The following IL1RAPL2 variants were observed in gnomAD, a reference collection of about 807,000 sequenced individuals.
IL1RAPL2 encodes X-linked interleukin-1 receptor accessory protein-like 2.
Under a neutral mutation model 44.1 loss-of-function variants are expected in IL1RAPL2, and 3 were observed. That is an observed-to-expected ratio of 0.07 (90% confidence interval 0.03 to 0.18). The LOEUF is 0.18. Among genes scored for constraint, IL1RAPL2 ranks in the 10% least tolerant of loss-of-function variants. The pLI, the probability that IL1RAPL2 is intolerant of heterozygous loss-of-function variation, is 1.00. For missense variants in IL1RAPL2, 391 were observed against 496.4 expected (o/e 0.79, Z 2.02); for synonymous variants, 181 against 178.8 (o/e 1.01, Z -0.10).
intron 2 of IL1RAPL2, among the ~76,000 whole-genome samples, chrX:104,909,779 A>G (rs1014213475): frequency 8.9e-6 from 1 of 112,377 alleles, no homozygotes; most frequent in African/African-American, 3.2e-5. Context: ...AAGTCTGCAG[A>G]GGTTACTGCT....
At chrX:105,175,582 A>G (rs1480546031) in intron 2 of IL1RAPL2, among the ~76,000 whole-genome samples, 8 of 111,404 alleles carry the variant, frequency 7.2e-5, no homozygotes. Flanking sequence ...AATAATAATA[A>G]TGATAACGTT....
intron 2 of IL1RAPL2, among the ~76,000 whole-genome samples, chrX:104,878,999 C>A (rs754378669): frequency 9.0e-6 from 1 of 110,601 alleles, no homozygotes; most frequent in African/African-American, 3.3e-5. Context: ...TCCAACCGAG[C>A]CAACCTCAGT....
intron 5 of IL1RAPL2, among the ~76,000 whole-genome samples, chrX:105,272,309 C>G (rs1028730869): frequency 1.8e-5 from 2 of 111,566 alleles, no homozygotes; most frequent in African/African-American, 6.5e-5. Context: ...CAAAGGCAGA[C>G]ATTACTTATA....
intron 5 of IL1RAPL2, among the ~76,000 whole-genome samples, chrX:105,347,592 T>C (rs1345720829): frequency 9.2e-6 from 1 of 108,798 alleles, no homozygotes; most frequent in Non-Finnish European, 1.9e-5. Flanking sequence ...ATCATCATCA[T>C]CATCATCATC....
intron 6 of IL1RAPL2, among the ~76,000 whole-genome samples, chrX:105,666,082 GTT>G (rs11296820): frequency 0.021 from 2,041 of 98,620 alleles, 50 homozygotes; most frequent in African/African-American, 0.071. Context: ...TTAAAAATGG[GTT>G]TTTTTTTTTT....
At chrX:104,709,263 A>T (rs1312544191) in intron 2 of IL1RAPL2, among the ~76,000 whole-genome samples, 1 of 110,078 alleles carries the variant, frequency 9.1e-6, no homozygotes, top group African/African-American at 3.3e-5. Context: ...TTAAGAATAA[A>T]AAGCCTGGAT....
chrX:104,930,013 C>T (rs1223072885), intron 2 of IL1RAPL2, among the ~76,000 whole-genome samples: 1 of 111,629 alleles, frequency 9.0e-6, no homozygotes, highest in Non-Finnish European at 1.9e-5. Context: ...CCCCTGTGTT[C>T]TTTTTCGACA....
At chrX:105,096,048 T>C (rs2032599861) in intron 2 of IL1RAPL2, among the ~76,000 whole-genome samples, 1 of 111,714 alleles carries the variant, frequency 9.0e-6, no homozygotes, top group Non-Finnish European at 1.9e-5. Context: ...TAGCCATTTC[T>C]CCAAAGATCT....
At chrX:104,981,439 C>T (rs1311210539) in intron 2 of IL1RAPL2, among the ~76,000 whole-genome samples, 1 of 110,562 alleles carries the variant, frequency 9.0e-6, no homozygotes, top group Non-Finnish European at 1.9e-5. Context: ...GATTTTGTAT[C>T]CTGAAACTTT....
intron 2 of IL1RAPL2, among the ~76,000 whole-genome samples, chrX:105,125,910 A>C (rs2032970626): frequency 9.0e-6 from 1 of 111,112 alleles, no homozygotes; most frequent in Non-Finnish European, 1.9e-5. Context: ...GCAATAAATA[A>C]ATAAATATGA....
chrX:104,641,883 C>T (rs1442331850), intron 1 of IL1RAPL2, among the ~76,000 whole-genome samples: 1 of 111,665 alleles, frequency 9.0e-6, no homozygotes, highest in Non-Finnish European at 1.9e-5. Context: ...AAAAACTATG[C>T]TTGAAAATGA....
intron 2 of IL1RAPL2, among the ~76,000 whole-genome samples, chrX:104,860,312 C>G (rs1184529590): frequency 9.0e-6 from 1 of 111,488 alleles, no homozygotes. Context: ...GGGAAGAAAC[C>G]CTATCATTGT....
At chrX:105,368,856 G>A (rs140271306) in intron 5 of IL1RAPL2, among the ~76,000 whole-genome samples, 1,622 of 109,686 alleles carry the variant, frequency 0.015, 15 homozygotes, top group Admixed American at 0.041. Context: ...AAATCCCTTG[G>A]GCTGTCTTTA....
Position 105,767,627 on chromosome X carries a change from C to A in IL1RAPL2, c.2027C>A (p.Ser676Tyr). The A allele has an allele frequency of 8.3e-7, 1 of 1,208,641 alleles. No homozygotes were observed. The highest frequency in any genetic ancestry group is 1.1e-6 in the Non-Finnish European group (1 of 892,912). ...AACAGTTCTTTGCTGCCTTTATCCT[C>A]CAAAGAGCTTAGCTTTACCAGTGAT... is the stretch of plus-strand genomic sequence containing the variant. ...HRNSSLLPLS[S>Y]KELSFTSDIW The change falls in exon 11 of 11, where the codon TCC (serine) becomes TAC (tyrosine). Residue 676 changes from serine (S) to tyrosine (Y), a missense_variant. Around this residue, in one of 2 missense-constraint regions of IL1RAPL2, gnomAD observed 232 missense variants for 244.8 expected, o/e 0.95. Transcript: ENST00000372582.
At chrX:105,640,783 GATATAGATATAGAT>G (rs2037563778) in intron 6 of IL1RAPL2, among the ~76,000 whole-genome samples, 1 of 96,689 alleles carries the variant, frequency 1.0e-5, no homozygotes, top group African/African-American at 3.8e-5. Context: ...TATAGATATA[GATATAGATATAGAT>G]AGAGAGAGAG....
intron 6 of IL1RAPL2, among the ~76,000 whole-genome samples, chrX:105,497,444 T>C (rs1048587269): frequency 1.7e-4 from 19 of 111,513 alleles, no homozygotes; most frequent in Middle Eastern, 9.3e-3. Context: ...ACTGGATAAT[T>C]CTACTAAGAA....
intron 2 of IL1RAPL2, among the ~76,000 whole-genome samples, chrX:104,849,686 T>C (rs1488395304): frequency 9.0e-6 from 1 of 110,694 alleles, no homozygotes; most frequent in African/African-American, 3.3e-5. Flanking sequence ...GAGATAAGTA[T>C]AATCTTGTCT....
chrX:105,431,173 A>G (rs766616307), intron 5 of IL1RAPL2, among the ~76,000 whole-genome samples: 1 of 112,446 alleles, frequency 8.9e-6, no homozygotes, highest in South Asian at 3.6e-4. Context: ...GGTGGTAGCA[A>G]GTGTTTTACT....
At chrX:105,682,078 G>GT (rs943622612) in intron 6 of IL1RAPL2, among the ~76,000 whole-genome samples, 2 of 111,720 alleles carry the variant, frequency 1.8e-5, no homozygotes, top group Admixed American at 9.5e-5. Context: ...ATAAAATTTG[G>GT]TTTTTTCTTT....
Sources: allele counts gnomAD v4.1 joint callset (sites outside exome capture counted in the v4.1 genomes callset), GRCh38; gene constraint gnomAD v4.1.1; regional missense constraint gnomAD v4.1.1; transcripts MANE v1.5; gene names NCBI Gene and HGNC (gene_info 2026-07-23, HGNC 2026-07-21).